Variants in PRKAA1 observed in about 807,000 individuals in gnomAD.
PRKAA1 encodes 5'-AMP-activated protein kinase catalytic subunit alpha-1.
PRKAA1 carries 23 observed loss-of-function variants against 56.9 expected under a neutral mutation model. The observed-to-expected ratio is 0.40, with a 90% confidence interval of 0.29 to 0.57. The LOEUF is 0.57. Ranked by LOEUF, PRKAA1 falls within the 20% of genes least tolerant of loss-of-function variation. The pLI is 0.39. For missense variants in PRKAA1, 413 were observed against 679.7 expected (o/e 0.61, Z 4.36); for synonymous variants, 226 against 227.0 (o/e 1.00, Z 0.04).
intron 1 of PRKAA1, among the ~76,000 whole-genome samples, chr5:40,793,923 G>C (rs1744820204): frequency 6.6e-6 from 1 of 152,098 alleles, no homozygotes; most frequent in Non-Finnish European, 1.5e-5. Flanking sequence ...CCAACATGAT[G>C]AAACCCCATC....
intron 7 of PRKAA1, 49 bp downstream of exon 7, chr5:40,764,703 T>C (rs914074209): frequency 6.2e-7 from 1 of 1,604,690 alleles, no homozygotes; most frequent in Non-Finnish European, 8.5e-7. Context: ...TTTTATAGAC[T>C]ATGGGTTTGC....
intron 3 of PRKAA1, among the ~76,000 whole-genome samples, chr5:40,773,672 A>G (rs1743855501): frequency 6.6e-6 from 1 of 152,238 alleles, no homozygotes; most frequent in African/African-American, 2.4e-5. Context: ...GGTAGAAACC[A>G]GTAAAAAATA....
chr5:40,775,187 A>AGCT (rs1188525762), intron 3 of PRKAA1, among the ~76,000 whole-genome samples: 16 of 152,248 alleles, frequency 1.1e-4, no homozygotes, highest in Non-Finnish European at 2.4e-4. Flanking sequence ...GTGAGCAATC[A>AGCT]TATAAGCCGC....
intron 4 of PRKAA1, among the ~76,000 whole-genome samples, chr5:40,769,878 T>TAA (rs3071208): frequency 0.038 from 4,172 of 109,764 alleles, 117 homozygotes; most frequent in South Asian, 0.066. Flanking sequence ...TCTGATTCTT[T>TAA]AAAAAAAAAA....
chr5:40,790,821 G>A (rs1744691238), intron 1 of PRKAA1, among the ~76,000 whole-genome samples: 2 of 152,124 alleles, frequency 1.3e-5, no homozygotes, highest in East Asian at 1.9e-4. Flanking sequence ...TTACAGGCGT[G>A]AGCCACCACA....
At chr5:40,786,965 CAAAA>C in intron 1 of PRKAA1, among the ~76,000 whole-genome samples, 1 of 150,704 alleles carries the variant, frequency 6.6e-6, no homozygotes, top group East Asian at 2.0e-4. Context: ...CTCAAACAAA[CAAAA>C]AGAAACAGAA....
chr5:40,798,005 A>G (rs865998149), intron 1 of PRKAA1, 58 bp downstream of exon 1: 1 of 1,581,628 alleles, frequency 6.3e-7, no homozygotes, highest in Non-Finnish European at 8.6e-7. Flanking sequence ...GAGGTGCGGA[A>G]AGCGGAAGTC....
chr5:40,773,515 A>G (rs146896001), intron 3 of PRKAA1, among the ~76,000 whole-genome samples: 370 of 152,330 alleles, frequency 2.4e-3, no homozygotes, highest in African/African-American at 8.5e-3. Context: ...AAACATCACT[A>G]AAATGACATC....
At chr5:40,763,968 T>G (rs747705184) in intron 8 of PRKAA1, among the ~76,000 whole-genome samples, 56 of 152,032 alleles carry the variant, frequency 3.7e-4, no homozygotes, top group Non-Finnish European at 7.2e-4. Flanking sequence ...AAAGACAGAG[T>G]CTCAGTATGT....
At position 40,761,750 on chromosome 5, in the gene PRKAA1, T is replaced by A. The variant is rs892807696; in HGVS notation, c.*1028A>T. The A allele has an allele frequency of 1.1e-4, 16 of 152,264 alleles. No homozygotes were observed. The highest frequency in any genetic ancestry group is 3.6e-4 in the African/African-American group (15 of 41,428). The allele number at this position is 152,264 out of a possible 1,614,324, so 9.4% of individuals were successfully genotyped here. A position where few individuals can be genotyped will look rare whatever the true frequency, so the allele number is the denominator to read the frequency against. On this transcript the variant is annotated 3_prime_UTR_variant, in exon 9 of 9. Transcript: ENST00000397128. ...GACTGACATGATGGGCCAGAGGAAT[T>A]TGTGAAATTGGCAAAAATAATATGA...
intron 1 of PRKAA1, among the ~76,000 whole-genome samples, chr5:40,790,854 C>CT: frequency 6.6e-6 from 1 of 152,062 alleles, no homozygotes; most frequent in East Asian, 1.9e-4. Flanking sequence ...TAGCATAATA[C>CT]TTTTTAAAAT....
At chr5:40,768,007 G>C (rs1743547886) in intron 5 of PRKAA1, among the ~76,000 whole-genome samples, 1 of 150,082 alleles carries the variant, frequency 6.7e-6, no homozygotes, top group Non-Finnish European at 1.5e-5. Flanking sequence ...TTACAGAGGA[G>C]AGATTAAGTG....
chr5:40,778,304 T>G (rs1440614069), intron 1 of PRKAA1, among the ~76,000 whole-genome samples: 6 of 152,176 alleles, frequency 3.9e-5, no homozygotes, highest in Admixed American at 3.9e-4. Context: ...TCATCTAGCA[T>G]CCTCAGAAAA....
In PRKAA1 at chr5:40,763,027, G is replaced by T. The variant is rs1420094013; in HGVS notation, c.1436-5C>A. ...ATTTGGCTTCTGTAATTTCATCTGG[G>T]TAAAAAGAATTTCAATTTATTATAG... is the stretch of plus-strand genomic sequence containing the variant. On this transcript the variant is annotated splice_region_variant and splice_polypyrimidine_tract_variant and intron_variant, in intron 8 of 8. Coordinates refer to ENST00000397128, the MANE Select transcript of PRKAA1 (RefSeq NM_006251.6). 2 of 1,613,182 alleles carry T rather than the reference G, an allele frequency of 1.2e-6. No homozygotes were observed. Among genetic ancestry groups the T allele is most frequent in the Non-Finnish European group, 1.7e-6 (2 of 1,179,354 alleles).
chr5:40,784,656 C>T (rs1744396710), intron 1 of PRKAA1, among the ~76,000 whole-genome samples: 1 of 152,086 alleles, frequency 6.6e-6, no homozygotes, highest in Non-Finnish European at 1.5e-5. Context: ...CTTTACAATA[C>T]ATAATTAAAG....
chr5:40,775,507 G>A lies in PRKAA1; in HGVS notation c.270-4C>T. 6.4e-7 allele frequency: 1 copy of A among 1,569,724 alleles called. No individual in the cohort carries two copies. Among genetic ancestry groups the A allele is most frequent in the Non-Finnish European group, 8.8e-7 (1 of 1,140,278 alleles). On this transcript the variant is annotated splice_region_variant and splice_polypyrimidine_tract_variant and intron_variant, in intron 2 of 8. Coordinates refer to ENST00000397128, the MANE Select transcript of PRKAA1 (RefSeq NM_006251.6). ...TGGTGTACTGATGACCTGGTACCTG[G>A]TGAGAGAAAACATTGTCTACAAATA...
chr5:40,785,470 C>T (rs1245995819), intron 1 of PRKAA1, among the ~76,000 whole-genome samples: 1 of 151,886 alleles, frequency 6.6e-6, no homozygotes, highest in Non-Finnish European at 1.5e-5. Context: ...GAACTCCTGA[C>T]CGCAGGTGAT....
In PRKAA1 at chr5:40,777,596, A is replaced by T. The variant is rs775521452; in HGVS notation, c.128-10T>A. ...AATTCATGTTTGCCAACTGTAAAAGAAGTAATTTAATAAATTAGTACTAAG... is the reference window on the plus strand; with the variant it reads ...AATTCATGTTTGCCAACTGTAAAAGTAGTAATTTAATAAATTAGTACTAAG... On this transcript the variant is annotated splice_polypyrimidine_tract_variant and intron_variant, in intron 1 of 8. Coordinates refer to ENST00000397128, the MANE Select transcript of PRKAA1 (RefSeq NM_006251.6). The T allele has an allele frequency of 1.9e-6, 3 of 1,593,286 alleles. No homozygotes were observed. Among genetic ancestry groups the T allele is most frequent in the Non-Finnish European group, 2.6e-6 (3 of 1,165,668 alleles).
intron 1 of PRKAA1, among the ~76,000 whole-genome samples, chr5:40,793,776 C>T (rs1242035417): frequency 6.6e-6 from 1 of 152,102 alleles, no homozygotes; most frequent in Non-Finnish European, 1.5e-5. Flanking sequence ...TAGGTGTCTA[C>T]CCTGTCCCCC....
Sources: gnomAD v4.1 joint callset for allele counts (sites outside exome capture counted in the v4.1 genomes callset) on GRCh38, gnomAD v4.1.1 for gene constraint, MANE v1.5 for transcripts, NCBI Gene and HGNC (gene_info 2026-07-23, HGNC 2026-07-21) for gene names.